IBTK: variants seen among roughly 807,000 people sequenced by gnomAD.
IBTK encodes BTK-binding protein.
IBTK carries 83 observed loss-of-function variants against 154.9 expected under a neutral mutation model. The ratio of observed to expected loss-of-function variants is 0.54; its 90% confidence interval spans 0.45 to 0.64. The LOEUF (loss-of-function observed/expected upper bound fraction) is 0.64, where lower values mean the gene tolerates loss of function less well. IBTK is among the 30% of genes least tolerant of loss of function. The pLI, the probability that IBTK is intolerant of heterozygous loss-of-function variation, is 0.00. For synonymous variants in IBTK, 515 were observed against 536.1 expected (o/e 0.96, Z 0.54); for missense variants, 1,332 against 1,584.6 (o/e 0.84, Z 2.71).
In IBTK at chr6:82,214,280, T is replaced by C; in HGVS notation, c.2151A>G (p.Val717=). Residue 717 remains valine, a synonymous_variant, in exon 12 of 29, where the codon GTA becomes GTG. Coordinates refer to ENST00000306270, the MANE Select transcript of IBTK (RefSeq NM_015525.4). ...KGKNIREDDP[V]RMLQTVAKKF... ...TCTTTGCAACAGTTTGCAACATTCT[T>C]ACAGGATCATCTTCCCTAATATTTT... 1 of 1,613,278 alleles carries C rather than the reference T, an allele frequency of 6.2e-7. No homozygotes were observed. The highest frequency in any genetic ancestry group is 2.2e-5 in the East Asian group (1 of 44,858).
chr6:82,193,204 C>G (rs187867820), intron 23 of IBTK, among the ~76,000 whole-genome samples: 78 of 151,976 alleles, frequency 5.1e-4, no homozygotes, highest in African/African-American at 1.7e-3. Context: ...CTAGGCAATA[C>G]TACAAAATGA....
At chr6:82,242,383 A>C (rs1476233761) in intron 1 of IBTK, among the ~76,000 whole-genome samples, 3 of 151,932 alleles carry the variant, frequency 2.0e-5, no homozygotes, top group Non-Finnish European at 2.9e-5. Context: ...AAAAAAAAAA[A>C]ATTAATGGCA....
At chr6:82,190,939 G>C (rs1768742144) in intron 25 of IBTK, 134 bp downstream of exon 25, 3 of 572,544 alleles carry the variant, frequency 5.2e-6, no homozygotes, top group East Asian at 3.4e-5. Context: ...TTTTTAACTT[G>C]AAAACAGAAG....
intron 9 of IBTK, among the ~76,000 whole-genome samples, chr6:82,219,524 T>C (rs1770012487): frequency 1.3e-5 from 2 of 151,954 alleles, no homozygotes; most frequent in Admixed American, 1.3e-4. Flanking sequence ...TATATACCTT[T>C]AAATATAATT....
intron 25 of IBTK, 45 bp downstream of exon 25, chr6:82,191,028 C>G (rs567183457): frequency 7.2e-7 from 1 of 1,395,680 alleles, no homozygotes; most frequent in East Asian, 2.7e-5. Context: ...ACCTTAAAAG[C>G]AAATGCACAA....
intron 3 of IBTK, among the ~76,000 whole-genome samples, chr6:82,232,861 T>C (rs539858899): frequency 4.0e-5 from 6 of 151,738 alleles, no homozygotes; most frequent in South Asian, 2.1e-4. Flanking sequence ...ATAAAAAAAG[T>C]ATAAAAATTG....
intron 26 of IBTK, among the ~76,000 whole-genome samples, chr6:82,176,041 A>C (rs1371040221): frequency 6.6e-6 from 1 of 152,110 alleles, no homozygotes; most frequent in South Asian, 2.1e-4. Context: ...AAAAAAAAAA[A>C]AGATTTTTGT....
chr6:82,173,407 C>A lies in IBTK; in HGVS notation c.3757G>T (p.Gly1253Cys). Residue 1253 changes from glycine to cysteine, a missense_variant, in exon 27 of 29, where the codon GGC becomes TGC. Physicochemically the swap from Gly to Cys is radical, Grantham distance 159. Transcript: ENST00000306270. ...CSTHGTPGPE[G>C]NHISDLPLLD... ...AGTGGTAAATCTGAAATATGGTTGCCTTCTGGTCCTGGGGTACCATGGGTA... is the reference window on the plus strand; with the variant it reads ...AGTGGTAAATCTGAAATATGGTTGCATTCTGGTCCTGGGGTACCATGGGTA... 6.2e-7 allele frequency: 1 copy of A among 1,613,618 alleles called. No homozygotes were observed. The highest frequency in any genetic ancestry group is 8.5e-7 in the Non-Finnish European group (1 of 1,179,706).
Position 82,172,080 on chromosome 6 carries a change from G to C in IBTK, c.3930+300C>G, listed in dbSNP as rs142611299. On this transcript the variant is annotated intron_variant, in intron 28 of 28. Coordinates refer to ENST00000306270, the MANE Select transcript of IBTK (RefSeq NM_015525.4). ...CTTACTGATACAGAAGCCAAGTGCA[G>C]CACTAGAGAATACTGCCAAATTCTC... Among the ~76,000 whole-genome samples, 246 of 152,214 alleles carry C rather than the reference G, an allele frequency of 1.6e-3. 1 individual carries two copies. The highest frequency in any genetic ancestry group is 5.7e-3 in the African/African-American group (235 of 41,528).
At chr6:82,208,644 G>T (rs778314940) in intron 16 of IBTK, among the ~76,000 whole-genome samples, 2 of 152,106 alleles carry the variant, frequency 1.3e-5, no homozygotes, top group Non-Finnish European at 2.9e-5. Flanking sequence ...TTGGGAGGCT[G>T]AGGTGGGAAG....
intron 27 of IBTK, chr6:82,173,015 TTTTTGAGACAGAGTCTCAC>T (rs1272785684): frequency 7.9e-4 from 122 of 153,730 alleles, no homozygotes; most frequent in Admixed American, 2.2e-3. Flanking sequence ...TTTTTTTTTT[TTTTTGAGACAGAGTCTCAC>T]TGTGTCGCCC....
Position 82,220,466 on chromosome 6 carries a change from C to T in IBTK, c.1248+124G>A, listed in dbSNP as rs1209819917. On this transcript the variant is annotated intron_variant, in intron 9 of 28. Transcript: ENST00000306270. ...GTCTAAAACATACTTATTTTGGCAC[C>T]CAATACTAATCATCAAAGTCAATAG... The T allele has an allele frequency of 4.1e-6, 4 of 985,096 alleles. No individual in the cohort carries two copies. The Admixed American group carries it at 1.1e-4, about 27-fold the overall frequency. The allele number at this position is 985,096 out of a possible 1,614,324, so 61.0% of individuals were successfully genotyped here.
intron 18 of IBTK, among the ~76,000 whole-genome samples, 178 bp downstream of exon 18, chr6:82,202,348 CAA>C (rs1276889867): frequency 2.6e-5 from 4 of 152,086 alleles, no homozygotes; most frequent in Middle Eastern, 3.2e-3. Context: ...TAAAAACATT[CAA>C]AAGTTTTCAA....
At chr6:82,228,811 T>A (rs1032762585) in intron 4 of IBTK, among the ~76,000 whole-genome samples, 1 of 151,908 alleles carries the variant, frequency 6.6e-6, no homozygotes, top group Non-Finnish European at 1.5e-5. Context: ...TTGGTAGAGA[T>A]GGGGTTTCAC....
In IBTK at chr6:82,170,675, A is replaced by C. The variant is rs778918617; in HGVS notation, c.*750T>G. The C allele has an allele frequency of 9.2e-5, 14 of 152,140 alleles. No homozygotes were observed. Among genetic ancestry groups the C allele is most frequent in the Non-Finnish European group, 1.6e-4 (11 of 68,010 alleles). 9.4% of individuals were successfully genotyped at this position (152,140 alleles called of 1,614,324 possible). A position where few individuals can be genotyped will look rare whatever the true frequency, so the allele number is the denominator to read the frequency against. On this transcript the variant is annotated 3_prime_UTR_variant, in exon 29 of 29. Transcript: ENST00000306270. ...CACTTTCAGCAATTGATTCTCTCAC[A>C]ATTAGGCATTTTTAAGATCCTCCAT...
chr6:82,177,200 G>T (rs1318491343), intron 26 of IBTK, among the ~76,000 whole-genome samples: 2 of 80,972 alleles, frequency 2.5e-5, no homozygotes, highest in African/African-American at 7.7e-5. Context: ...TTTTTGTTTT[G>T]TTGTTGTTGT....
chr6:82,189,154 T>C (rs1562076156), intron 25 of IBTK: 1 of 311,130 alleles, frequency 3.2e-6, no homozygotes, highest in Non-Finnish European at 6.1e-6. Context: ...TTACATAAGA[T>C]TTCCCTAGAA....
intron 23 of IBTK, among the ~76,000 whole-genome samples, chr6:82,192,734 C>T (rs1345412508): frequency 7.9e-6 from 1 of 126,042 alleles, no homozygotes; most frequent in Non-Finnish European, 1.7e-5. Flanking sequence ...GCAATGAGGG[C>T]GAAACTCTGT....
At chr6:82,185,881 T>C (rs1295384308) in intron 25 of IBTK, among the ~76,000 whole-genome samples, 3 of 152,168 alleles carry the variant, frequency 2.0e-5, no homozygotes, top group Non-Finnish European at 4.4e-5. Context: ...TGCTTCATAG[T>C]TACTGTGTTT....
Sources: gnomAD v4.1 joint callset for allele counts (sites outside exome capture counted in the v4.1 genomes callset) on GRCh38, gnomAD v4.1.1 for gene constraint, MANE v1.5 for transcripts, NCBI Gene and HGNC (gene_info 2026-07-23, HGNC 2026-07-21) for gene names.